Variants in RAD51 observed in about 807,000 individuals in gnomAD.
RAD51 encodes the protein DNA repair protein RAD51 homolog 1.
Under a neutral mutation model 41.5 loss-of-function variants are expected in RAD51, and 14 were observed. The observed-to-expected ratio is 0.34, with a 90% confidence interval of 0.22 to 0.53. The LOEUF is 0.53. RAD51 is among the 20% of genes least tolerant of loss of function. The probability of loss-of-function intolerance (pLI) is 0.95; values close to 1 mark genes in which losing one functional copy is unlikely to be tolerated. For synonymous variants in RAD51, 136 were observed against 148.6 expected, an observed-to-expected ratio of 0.92 and a Z score of 0.62; for missense variants, 234 against 422.0, an observed-to-expected ratio of 0.55 and a Z score of 3.90.
chr15:40,720,379 G>A (rs368779934), intron 6 of RAD51, among the ~76,000 whole-genome samples: 39 of 152,060 alleles, frequency 2.6e-4, no homozygotes, highest in African/African-American at 7.5e-4. Context: ...CACTGCACCC[G>A]GCCTTAATGG....
At chr15:40,703,489 T>G (rs974764162) in intron 3 of RAD51, among the ~76,000 whole-genome samples, 1 of 152,234 alleles carries the variant, frequency 6.6e-6, no homozygotes, top group African/African-American at 2.4e-5. Flanking sequence ...ATTTAAACAT[T>G]ATGAAAGTTT....
chr15:40,727,461 C>T (rs543466022), intron 6 of RAD51, among the ~76,000 whole-genome samples: 7 of 151,672 alleles, frequency 4.6e-5, no homozygotes, highest in Non-Finnish European at 8.8e-5. Flanking sequence ...GGATTACAGG[C>T]GCCTGCAACC....
At chr15:40,728,467 A>C (rs1323271090) in intron 6 of RAD51, among the ~76,000 whole-genome samples, 1 of 149,408 alleles carries the variant, frequency 6.7e-6, no homozygotes, top group African/African-American at 2.4e-5. Flanking sequence ...AAAAAAAAAA[A>C]GAATGGATTT....
intron 6 of RAD51, among the ~76,000 whole-genome samples, chr15:40,728,229 C>T (rs1296561243): frequency 1.3e-5 from 2 of 152,020 alleles, no homozygotes; most frequent in Non-Finnish European, 2.9e-5. Context: ...TTTGGGAGGC[C>T]AAGGTGGGCG....
rs937427632 is a variant in RAD51, at chr15:40,695,210, C to G, written c.-218C>G. 1 of 152,150 alleles carries G rather than the reference C, an allele frequency of 6.6e-6. No individual in the cohort carries two copies. Among genetic ancestry groups the G allele is most frequent in the African/African-American group, 2.4e-5 (1 of 41,382 alleles). 9.4% of individuals were successfully genotyped at this position (152,150 alleles called of 1,614,324 possible). On this transcript the variant is annotated 5_prime_UTR_variant, in exon 1 of 10. Coordinates refer to ENST00000267868, the MANE Select transcript of RAD51 (RefSeq NM_002875.5). ...CCGCTGGCGGACCGCGCGCAGCGGC[C>G]AGAGACCGAGCCCTAAGGAGAGTGC...
chr15:40,698,720 T>A, intron 1 of RAD51, 37 bp from the exon 2 acceptor site: 1 of 1,572,110 alleles, frequency 6.4e-7, no homozygotes, highest in Non-Finnish European at 8.8e-7. Context: ...ACCTTATTTC[T>A]CTAGTGTTTA....
rs191658238 is a variant in RAD51, at chr15:40,707,275, G to A, written c.343+981G>A. ...GCCTCCCAAAGTGCTGGGATTATAGGCTTGAGCCACCTTGCCTGGCCCAAT... is the reference window on the plus strand; with the variant it reads ...GCCTCCCAAAGTGCTGGGATTATAGACTTGAGCCACCTTGCCTGGCCCAAT... On this transcript the variant is annotated intron_variant, in intron 4 of 9. Coordinates refer to ENST00000267868, the MANE Select transcript of RAD51 (RefSeq NM_002875.5). Among the ~76,000 whole-genome samples, 9 of 147,278 alleles carry A rather than the reference G, an allele frequency of 6.1e-5. No homozygotes were observed. The East Asian group carries it at 1.0e-3, about 16-fold the overall frequency.
rs1263625916 is a variant in RAD51 at position 40,695,407 on chromosome 15, A to T, written c.-21A>T. The T allele has an allele frequency of 6.5e-6, 1 of 152,814 alleles. No individual in the cohort carries two copies. The highest frequency in any genetic ancestry group is 1.5e-5 in the Non-Finnish European group (1 of 68,586). The allele number at this position is 152,814 out of a possible 1,614,324, so 9.5% of individuals were successfully genotyped here. On this transcript the variant is annotated 5_prime_UTR_variant, in exon 1 of 10. Transcript: ENST00000267868. ...TCGGAGCGCGGGGCCTGCTGGAGAG[A>T]GGAGCGCTGCGGACCGAGGTGAGTG...
At chr15:40,720,334 G>A (rs1896207906) in intron 6 of RAD51, among the ~76,000 whole-genome samples, 1 of 151,876 alleles carries the variant, frequency 6.6e-6, no homozygotes, top group Non-Finnish European at 1.5e-5. Context: ...TGCCTGCCTT[G>A]GCCTCCCAAA....
At chr15:40,727,590 A>T (rs1489608878) in intron 6 of RAD51, among the ~76,000 whole-genome samples, 1 of 152,216 alleles carries the variant, frequency 6.6e-6, no homozygotes, top group Non-Finnish European at 1.5e-5. Context: ...TGCTGGGATT[A>T]CAGGTGTGAG....
chr15:40,715,002 C>T (rs1464841701), intron 5 of RAD51, among the ~76,000 whole-genome samples: 1 of 151,974 alleles, frequency 6.6e-6, no homozygotes, highest in Non-Finnish European at 1.5e-5. Context: ...GGCGAGATCC[C>T]ATTTCAATTA....
In RAD51 at chr15:40,696,509, C is replaced by T. The variant is rs114475237; in HGVS notation, c.-3+1084C>T. Among the ~76,000 whole-genome samples the T allele has an allele frequency of 6.3e-3, 962 of 152,206 alleles. 11 individuals are homozygous for T. Among genetic ancestry groups the T allele is most frequent in the African/African-American group, 0.022 (915 of 41,518 alleles). On this transcript the variant is annotated intron_variant, in intron 1 of 9. Coordinates refer to ENST00000267868, the MANE Select transcript of RAD51 (RefSeq NM_002875.5). ...GATCTAGCCTGGGAGGTATAAGCTG[C>T]AGTGAGCTGTGATCAGGCCACTGCA...
Position 40,695,367 on chromosome 15 carries a change from G to T in RAD51, c.-61G>T, listed in dbSNP as rs1801321. 52,692 of 152,416 alleles carry T rather than the reference G, an allele frequency of 0.35. 9,734 individuals are homozygous for T. The highest frequency in any genetic ancestry group is 0.42 in the Non-Finnish European group (28,910 of 68,648). 9.4% of individuals were successfully genotyped at this position (152,416 alleles called of 1,614,324 possible). A position where few individuals can be genotyped will look rare whatever the true frequency, so the allele number is the denominator to read the frequency against. ...GCCGTGCGGGTCGGGCGCGTGCCAC[G>T]CCCGCGGGGTGAAGTCGGAGCGCGG... On this transcript the variant is annotated 5_prime_UTR_variant, in exon 1 of 10. Transcript: ENST00000267868.
intron 9 of RAD51, among the ~76,000 whole-genome samples, chr15:40,730,515 T>TTTTTCTTTTTTTTTTTTC (rs1555429741): frequency 4.2e-4 from 50 of 117,702 alleles, no homozygotes; most frequent in East Asian, 3.7e-3. Context: ...GAAAAAATTT[T>TTTTTCTTTTTTTTTTTTC]TTTTCTTTTT....
At chr15:40,728,144 G>T (rs1364674474) in intron 6 of RAD51, among the ~76,000 whole-genome samples, 1 of 152,162 alleles carries the variant, frequency 6.6e-6, no homozygotes, top group Non-Finnish European at 1.5e-5. Context: ...ACAGGCGTGA[G>T]CCACCGCACC....
intron 2 of RAD51, among the ~76,000 whole-genome samples, chr15:40,700,752 C>G (rs773080500): frequency 6.6e-6 from 1 of 152,136 alleles, no homozygotes; most frequent in Non-Finnish European, 1.5e-5. Context: ...GATTCTGTAT[C>G]AGCAAATTCA....
chr15:40,713,059 T>C (rs1412575345), intron 5 of RAD51, among the ~76,000 whole-genome samples: 1 of 151,306 alleles, frequency 6.6e-6, no homozygotes, highest in African/African-American at 2.4e-5. Flanking sequence ...TTTTGTATTT[T>C]TAGTAGAGAC....
intron 6 of RAD51, among the ~76,000 whole-genome samples, chr15:40,728,052 G>A (rs542194155): frequency 6.6e-6 from 1 of 152,026 alleles, no homozygotes; most frequent in Non-Finnish European, 1.5e-5. Context: ...TAGAGATGGG[G>A]TTTTGCCATG....
chr15:40,713,700 G>A (rs1366492039), intron 5 of RAD51, among the ~76,000 whole-genome samples: 2 of 150,072 alleles, frequency 1.3e-5, no homozygotes, highest in Admixed American at 6.7e-5. Flanking sequence ...TCCGCCTCCT[G>A]GGTTCACGCC....
Sources: allele counts gnomAD v4.1 joint callset (sites outside exome capture counted in the v4.1 genomes callset), GRCh38; gene constraint gnomAD v4.1.1; transcripts MANE v1.5; gene names NCBI Gene and HGNC (gene_info 2026-07-23, HGNC 2026-07-21).